KLC3: variants seen among roughly 807,000 people sequenced by gnomAD.
KLC3 encodes the protein kinesin light chain 2.
Under a neutral mutation model 62.9 loss-of-function variants are expected in KLC3, and 72 were observed. The ratio of observed to expected loss-of-function variants is 1.15; its 90% CI spans 0.95 to 1.39. KLC3 has a LOEUF of 1.39. KLC3 is among the 40% of genes most tolerant of loss of function. The pLI is 0.00. For missense variants in KLC3, 848 were observed against 691.6 expected (o/e 1.23, Z -2.54); for synonymous variants, 377 against 300.5 (o/e 1.25, Z -2.63).
intron 1 of KLC3, among the ~76,000 whole-genome samples, chr19:45,342,820 C>T (rs1971419795): frequency 6.6e-6 from 1 of 152,124 alleles, no homozygotes; most frequent in African/African-American, 2.4e-5. Context: ...CATATATACA[C>T]ATACATATAT....
chr19:45,349,480 C>G lies in KLC3; in HGVS notation c.1021C>G (p.Leu341Val). 1 of 1,613,708 alleles carries G rather than the reference C, an allele frequency of 6.2e-7. No homozygotes were observed. Among genetic ancestry groups the G allele is most frequent in the Non-Finnish European group, 8.5e-7 (1 of 1,179,786 alleles). Reference protein sequence around the residue: ...DVAKQLNNLALLCQNQGKFED... With the variant: ...DVAKQLNNLAVLCQNQGKFED... ...GGCCAAGCAGCTCAACAACCTGGCCCTGCTGTGCCAGAACCAGGGCAAGTT... is the reference window on the plus strand; with the variant it reads ...GGCCAAGCAGCTCAACAACCTGGCCGTGCTGTGCCAGAACCAGGGCAAGTT... Residue 341 changes from leucine (L) to valine (V), a missense_variant, in exon 8 of 13, where the codon CTG (leucine) becomes GTG (valine). Transcript: ENST00000391946.
In KLC3 at chr19:45,347,494, C is replaced by T. The variant is rs768045477; in HGVS notation, c.537C>T (p.Pro179=). The stretch of plus-strand genomic sequence containing the variant: ...GAGACAGCCTGGCCTCCCTGTTCCC[C>T]AGCGAGGAGGAGGAGAGGAAAGGTG... The part of the protein sequence containing the change: ...PRRDSLASLF[P]SEEEERKGPE... The change falls in exon 4 of 13, where the codon CCC becomes CCT. Residue 179 remains proline (P), a synonymous_variant. Coordinates refer to ENST00000391946, the MANE Select transcript of KLC3 (RefSeq NM_177417.3). The T allele has an allele frequency of 1.9e-6, 3 of 1,612,928 alleles. No homozygotes were observed. The highest frequency in any genetic ancestry group is 2.5e-6 in the Non-Finnish European group (3 of 1,179,450).
chr19:45,341,578 T>TGTGTGTGCGCACGCGCGC, intron 1 of KLC3, among the ~76,000 whole-genome samples: 3 of 139,800 alleles, frequency 2.1e-5, no homozygotes, highest in Non-Finnish European at 3.1e-5. Flanking sequence ...TGTGTGTGTG[T>TGTGTGTGCGCACGCGCGC]GCGCGCGCGC....
chr19:45,342,077 T>C (rs540179270), intron 1 of KLC3, among the ~76,000 whole-genome samples: 12 of 152,086 alleles, frequency 7.9e-5, no homozygotes, highest in East Asian at 1.9e-4. Flanking sequence ...ATGGCTGTGG[T>C]TGAGCCGTGT....
intron 12 of KLC3, 35 bp downstream of exon 12, chr19:45,351,052 C>T (rs1214415903): frequency 1.2e-6 from 2 of 1,613,726 alleles, no homozygotes; most frequent in Non-Finnish European, 1.7e-6. Flanking sequence ...ATAGAGGAGG[C>T]CATGTGGGTA....
At chr19:45,342,124 G>A (rs1971408762) in intron 1 of KLC3, among the ~76,000 whole-genome samples, 1 of 152,126 alleles carries the variant, frequency 6.6e-6, no homozygotes, top group African/African-American at 2.4e-5. Flanking sequence ...GTGGAGTGGT[G>A]TGTGTAAGGC....
At position 45,348,660 on chromosome 19, in the gene KLC3, A is replaced by G. The variant is rs1971572342; in HGVS notation, c.794A>G (p.Tyr265Cys). 1 of 1,586,054 alleles carries G rather than the reference A, an allele frequency of 6.3e-7. No homozygotes were observed. Reference protein sequence around the residue: ...LALVYRDQNKYKEATDLLHDA... With the variant: ...LALVYRDQNKCKEATDLLHDA... The stretch of plus-strand genomic sequence containing the variant: ...GCCCCCCACAGGGACCAGAACAAGT[A>G]CAAAGAAGCCACAGACCTTCTCCAT... Residue 265 changes from tyrosine to cysteine, a missense_variant, in exon 6 of 13, where the codon TAC becomes TGC. By Grantham distance (194) the Tyr-to-Cys change is radical. Transcript: ENST00000391946.
At chr19:45,342,921 G>A (rs1971421178) in intron 1 of KLC3, among the ~76,000 whole-genome samples, 2 of 152,204 alleles carry the variant, frequency 1.3e-5, no homozygotes. Flanking sequence ...TGTACAACAT[G>A]TGCAAAAACC....
At chr19:45,351,156 A>AGAT in intron 12 of KLC3, 130 bp from the exon 13 acceptor site, 1 of 1,592,528 alleles carries the variant, frequency 6.3e-7, no homozygotes, top group Admixed American at 1.7e-5. Context: ...ACAGGAGCAA[A>AGAT]GATGGGTTTT....
Position 45,349,420 on chromosome 19 carries a change from G to A in KLC3, c.970-9G>A, listed in dbSNP as rs561775447. Reference sequence around the variant, plus strand: ...ATGATCCCTCTGACTTGTGACCCCTGGCCCCCAGGTCCTGGGTGCTGACCA... The same window carrying A: ...ATGATCCCTCTGACTTGTGACCCCTAGCCCCCAGGTCCTGGGTGCTGACCA... On this transcript the variant is annotated splice_polypyrimidine_tract_variant and intron_variant, in intron 7 of 12. Coordinates refer to ENST00000391946, the MANE Select transcript of KLC3 (RefSeq NM_177417.3). 2 of 1,596,404 alleles carry A rather than the reference G, an allele frequency of 1.3e-6. No homozygotes were observed. Among genetic ancestry groups the A allele is most frequent in the Non-Finnish European group, 8.6e-7 (1 of 1,169,104 alleles).
intron 3 of KLC3, 51 bp from the exon 4 acceptor site, chr19:45,347,396 C>G: frequency 1.5e-6 from 2 of 1,378,222 alleles, no homozygotes; most frequent in Non-Finnish European, 2.0e-6. Flanking sequence ...GGGCCCCGGT[C>G]TCTGAAACAA....
In KLC3 at chr19:45,348,649, CCAGAA is replaced by C; in HGVS notation, c.786_790del (p.Asn263ValfsTer10). ...ATTCCTGGGGCGCCCCCCACAGGGACCAGAACAAGTACAAAGAAGCCACAGACCTT... is the reference window on the plus strand; with the variant it reads ...ATTCCTGGGGCGCCCCCCACAGGGACCAAGTACAAAGAAGCCACAGACCTT... On this transcript the variant is annotated frameshift_variant, in exon 6 of 13. Transcript: ENST00000391946. LOFTEE classifies it high-confidence loss of function. 1 of 1,577,000 alleles carries C rather than the reference CCAGAA, an allele frequency of 6.3e-7. No individual in the cohort carries two copies. Among genetic ancestry groups the C allele is most frequent in the Non-Finnish European group, 8.6e-7 (1 of 1,161,680 alleles).
rs149943175 is a variant in KLC3 at position 45,351,493 on chromosome 19, G to A, written c.*136G>A. The A allele has an allele frequency of 6.1e-5, 97 of 1,591,928 alleles. No individual in the cohort carries two copies. The East Asian group carries it at 6.3e-4, about 10-fold the overall frequency. ...CTGGTGGATAGCTGCCTTCTCCTGC[G>A]ATTAAAGGCTGTGGACGTGACAGTG... On this transcript the variant is annotated 3_prime_UTR_variant, in exon 13 of 13. Transcript: ENST00000391946.
chr19:45,350,236 A>C, intron 8 of KLC3, 105 bp from the exon 9 acceptor site: 2 of 812,704 alleles, frequency 2.5e-6, no homozygotes, highest in Non-Finnish European at 3.9e-6. Context: ...AGCCTGGGCA[A>C]CATACCAAGA....
chr19:45,349,580 T>C lies in KLC3; in HGVS notation c.1121T>C (p.Val374Ala). 2 of 1,612,022 alleles carry C rather than the reference T, an allele frequency of 1.2e-6. No individual in the cohort carries two copies. Among genetic ancestry groups the C allele is most frequent in the South Asian group, 1.1e-5 (1 of 91,026 alleles). ...EALGGPHDPN[V>A]AKTKNNLASA... ...CTGGGCGGGCCCCATGACCCCAACG[T>C]GGCCAAGACCAAGAACAACCTGGTG... Residue 374 changes from valine (V) to alanine (A), a missense_variant, in exon 8 of 13, where the codon GTG (valine) becomes GCG (alanine). Transcript: ENST00000391946.
At chr19:45,349,785 A>C in intron 8 of KLC3, 183 bp downstream of exon 8, 2 of 589,832 alleles carry the variant, frequency 3.4e-6, no homozygotes, top group South Asian at 4.8e-5. Context: ...GAAACGCGTA[A>C]GTCCACGGCA....
At chr19:45,351,194 T>TA in intron 12 of KLC3, 92 bp from the exon 13 acceptor site, 1 of 1,585,446 alleles carries the variant, frequency 6.3e-7, no homozygotes, top group Non-Finnish European at 8.6e-7. Flanking sequence ...GGGGGTTGGA[T>TA]AGTTGGCTGC....
At chr19:45,348,288 G>A in intron 5 of KLC3, 128 bp downstream of exon 5, 2 of 860,626 alleles carry the variant, frequency 2.3e-6, no homozygotes, top group Admixed American at 2.7e-5. Flanking sequence ...GGGACAGCAA[G>A]AATGGGAAAG....
intron 1 of KLC3, among the ~76,000 whole-genome samples, chr19:45,342,966 T>G (rs1044459185): frequency 1.3e-5 from 2 of 151,854 alleles, no homozygotes; most frequent in Non-Finnish European, 2.9e-5. Flanking sequence ...GTGGCTTGAG[T>G]GAAGTGTGCG....
Sources: allele counts gnomAD v4.1 joint callset (sites outside exome capture counted in the v4.1 genomes callset), GRCh38; gene constraint gnomAD v4.1.1; transcripts MANE v1.5; gene names NCBI Gene and HGNC (gene_info 2026-07-23, HGNC 2026-07-21).